SGCZ: variants seen among roughly 807,000 people sequenced by gnomAD.
SGCZ encodes the protein zeta-sarcoglycan.
A neutral mutation model predicts 41.3 loss-of-function variants in SGCZ; 40 were observed. The observed-to-expected ratio is 0.97, with a 90% confidence interval of 0.75 to 1.26. SGCZ has a LOEUF of 1.26. SGCZ is among the 50% of genes most tolerant of loss of function. The pLI is 0.00. For synonymous variants in SGCZ, 206 were observed against 137.5 expected (o/e 1.50, Z -3.49); for missense variants, 552 against 369.8 (o/e 1.49, Z -4.04).
In SGCZ at chr8:14,741,851, T is replaced by C. The variant is rs143246314; in HGVS notation, c.40-186925A>G. Among the ~76,000 whole-genome samples the C allele has an allele frequency of 9.0e-3, 1,365 of 152,144 alleles. 6 individuals carry two copies. Among genetic ancestry groups the C allele is most frequent in the East Asian group, 0.02 (105 of 5,176 alleles). On this transcript the variant is annotated intron_variant, in intron 1 of 7. Transcript: ENST00000382080. ...TTAAATGATTTAAGAAGTAGAACAG[T>C]ATCAATATCAACTTCTCTTTTAATA...
intron 1 of SGCZ, among the ~76,000 whole-genome samples, chr8:14,581,119 T>C (rs943003874): frequency 2.6e-5 from 4 of 152,140 alleles, no homozygotes; most frequent in Non-Finnish European, 5.9e-5. Context: ...TTTATTTGTT[T>C]ATTTTTGAGA....
intron 1 of SGCZ, among the ~76,000 whole-genome samples, chr8:14,971,795 G>A (rs1240654101): frequency 2.6e-5 from 4 of 151,666 alleles, no homozygotes; most frequent in African/African-American, 7.3e-5. Flanking sequence ...GACCACAGGC[G>A]CATGCCACAA....
At chr8:14,404,554 T>G (rs554950663) in intron 2 of SGCZ, among the ~76,000 whole-genome samples, 1 of 152,196 alleles carries the variant, frequency 6.6e-6, no homozygotes, top group Admixed American at 6.5e-5. Flanking sequence ...TCATTTCAAA[T>G]TAGATGTTGC....
intron 1 of SGCZ, among the ~76,000 whole-genome samples, chr8:14,807,210 G>T (rs570612718): frequency 6.6e-6 from 1 of 151,952 alleles, no homozygotes; most frequent in East Asian, 1.9e-4. Flanking sequence ...ATTCAACATA[G>T]TGTTGGAAGT....
At chr8:14,564,971 T>C (rs539652720) in intron 1 of SGCZ, among the ~76,000 whole-genome samples, 1 of 152,146 alleles carries the variant, frequency 6.6e-6, no homozygotes, top group African/African-American at 2.4e-5. Context: ...TTTTTTCTAC[T>C]TGGTTTATGG....
intron 4 of SGCZ, among the ~76,000 whole-genome samples, chr8:14,173,044 A>C (rs1256998322): frequency 2.6e-5 from 4 of 152,152 alleles, no homozygotes; most frequent in Admixed American, 6.5e-5. Context: ...TGAGTGCCAC[A>C]GTTTAGAACT....
At chr8:14,397,753 C>G (rs1374239315) in intron 2 of SGCZ, among the ~76,000 whole-genome samples, 1 of 152,122 alleles carries the variant, frequency 6.6e-6, no homozygotes, top group African/African-American at 2.4e-5. Flanking sequence ...CAAAAGCATA[C>G]TAGAGTTCCC....
intron 2 of SGCZ, among the ~76,000 whole-genome samples, chr8:14,373,754 T>A (rs1319699635): frequency 6.6e-6 from 1 of 152,040 alleles, no homozygotes; most frequent in African/African-American, 2.4e-5. Context: ...ATGAGAGGAA[T>A]TGTAAACGGT....
intron 1 of SGCZ, among the ~76,000 whole-genome samples, chr8:14,969,731 T>G (rs923952795): frequency 9.2e-5 from 14 of 152,132 alleles, no homozygotes; most frequent in Non-Finnish European, 1.5e-4. Flanking sequence ...CACTCTTTTC[T>G]ATCACTGAGT....
chr8:14,555,023 C>T (rs918792419), intron 1 of SGCZ, 97 bp from the exon 2 acceptor site: 20 of 1,110,488 alleles, frequency 1.8e-5, no homozygotes, highest in African/African-American at 6.4e-5. Context: ...GAACAATGTA[C>T]GTTAAAATAA....
At chr8:15,100,686 T>G (rs2131080865) in intron 1 of SGCZ, among the ~76,000 whole-genome samples, 1 of 152,256 alleles carries the variant, frequency 6.6e-6, no homozygotes, top group Non-Finnish European at 1.5e-5. Context: ...CTACTTAACT[T>G]CAAGACTTAC....
rs115544600 is a variant in SGCZ at position 14,637,393 on chromosome 8, G to A, written c.40-82467C>T. On this transcript the variant is annotated intron_variant, in intron 1 of 7. Coordinates refer to ENST00000382080, the MANE Select transcript of SGCZ (RefSeq NM_139167.4). ...ACACGAGTAAATTGCGTGATGCTGC[G>A]GTTTGGAGCATGGATCCCATCACTC... Among the ~76,000 whole-genome samples the A allele has an allele frequency of 5.9e-3, 895 of 151,386 alleles. 8 individuals carry two copies. Among genetic ancestry groups the A allele is most frequent in the African/African-American group, 0.021 (853 of 41,286 alleles).
chr8:14,587,674 T>G (rs1175078314), intron 1 of SGCZ, among the ~76,000 whole-genome samples: 2 of 152,212 alleles, frequency 1.3e-5, no homozygotes, highest in African/African-American at 2.4e-5. Context: ...AGGAAGCAGA[T>G]GTAATACTTC....
At chr8:14,462,442 G>A (rs1294151771) in intron 2 of SGCZ, among the ~76,000 whole-genome samples, 1 of 151,912 alleles carries the variant, frequency 6.6e-6, no homozygotes, top group Non-Finnish European at 1.5e-5. Flanking sequence ...ATTATCGTTT[G>A]TCTCTATAAG....
intron 1 of SGCZ, among the ~76,000 whole-genome samples, chr8:14,975,873 TACACACACAC>T (rs10542601): frequency 7.1e-6 from 1 of 141,298 alleles, no homozygotes; most frequent in Non-Finnish European, 1.5e-5. Flanking sequence ...AGAAAAATTT[TACACACACAC>T]ACACACACAC....
At chr8:14,401,852 G>A (rs1002671038) in intron 2 of SGCZ, among the ~76,000 whole-genome samples, 8 of 150,638 alleles carry the variant, frequency 5.3e-5, no homozygotes, top group African/African-American at 2.0e-4. Flanking sequence ...AGATCCCTGA[G>A]GAATCGCCAC....
chr8:14,407,917 G>T (rs892296986), intron 2 of SGCZ, among the ~76,000 whole-genome samples: 3 of 152,098 alleles, frequency 2.0e-5, no homozygotes, highest in Non-Finnish European at 4.4e-5. Context: ...TGAGTCTCAC[G>T]TTTTTGCTTT....
intron 1 of SGCZ, among the ~76,000 whole-genome samples, chr8:14,901,268 A>C (rs958579069): frequency 6.6e-6 from 1 of 152,138 alleles, no homozygotes; most frequent in East Asian, 1.9e-4. Context: ...TCCTGTGATG[A>C]CTCACTGGTA....
chr8:15,069,513 G>A (rs760771292), intron 1 of SGCZ, among the ~76,000 whole-genome samples: 5 of 152,078 alleles, frequency 3.3e-5, no homozygotes, highest in South Asian at 2.1e-4. Flanking sequence ...TGATTTTCAC[G>A]TTAACACCAC....
Sources: gnomAD v4.1 joint callset for allele counts (sites outside exome capture counted in the v4.1 genomes callset) on GRCh38, gnomAD v4.1.1 for gene constraint, MANE v1.5 for transcripts, NCBI Gene and HGNC (gene_info 2026-07-23, HGNC 2026-07-21) for gene names.